The following ZBTB44 variants were observed in gnomAD, a reference collection of about 807,000 sequenced individuals.
The protein encoded by ZBTB44 is zinc finger and BTB domain-containing protein 44.
Under a neutral mutation model 54.0 loss-of-function variants are expected in ZBTB44, and 15 were observed. That is an observed-to-expected ratio of 0.28 (90% CI 0.19 to 0.43). The LOEUF is 0.43. ZBTB44 is among the 20% of genes least tolerant of loss of function. ZBTB44 has a pLI of 1.00. For synonymous variants in ZBTB44, 230 were observed against 250.1 expected, an observed-to-expected ratio of 0.92 and a Z score of 0.76; for missense variants, 487 against 707.1, an observed-to-expected ratio of 0.69 and a Z score of 3.53.
At chr11:130,274,807 T>C (rs749695980) in intron 1 of ZBTB44, among the ~76,000 whole-genome samples, 4 of 152,202 alleles carry the variant, frequency 2.6e-5, no homozygotes, top group Admixed American at 6.5e-5. Context: ...ATAAGAGATA[T>C]TGGTCTGGAG....
At chr11:130,300,756 T>C (rs530594968) in intron 1 of ZBTB44, among the ~76,000 whole-genome samples, 6 of 151,928 alleles carry the variant, frequency 3.9e-5, no homozygotes, top group Non-Finnish European at 7.4e-5. Flanking sequence ...GACCTTATAA[T>C]AGCATATAAG....
chr11:130,259,559 C>G (rs1162046002), intron 2 of ZBTB44, among the ~76,000 whole-genome samples: 2 of 152,148 alleles, frequency 1.3e-5, no homozygotes, highest in Non-Finnish European at 2.9e-5. Context: ...AACCCAAATC[C>G]CTGTCAATAA....
At chr11:130,264,971 T>C (rs1939147158) in intron 1 of ZBTB44, among the ~76,000 whole-genome samples, 1 of 152,294 alleles carries the variant, frequency 6.6e-6, no homozygotes, top group South Asian at 2.1e-4. Flanking sequence ...TTATATCTGT[T>C]ATGGTGATCT....
chr11:130,298,652 G>C (rs966723926), intron 1 of ZBTB44, among the ~76,000 whole-genome samples: 2 of 150,960 alleles, frequency 1.3e-5, no homozygotes, highest in Non-Finnish European at 2.9e-5. Flanking sequence ...TAGTAGAGAC[G>C]GAGTTTCACC....
chr11:130,280,932 A>G (rs111611984), intron 1 of ZBTB44, among the ~76,000 whole-genome samples: 3,283 of 152,296 alleles, frequency 0.022, 93 homozygotes, highest in African/African-American at 0.066. Context: ...CTTGAGGGAA[A>G]GGACAATCTC....
At position 130,289,008 on chromosome 11, in the gene ZBTB44, AAGAC is replaced by A. The variant is rs1454175227; in HGVS notation, c.-57+25363_-57+25366del. 3.9e-5 allele frequency among the ~76,000 whole-genome samples: 6 copies of A among 152,350 alleles called. No homozygotes were observed. The East Asian group carries it at 9.6e-4, about 24-fold the overall frequency. ...GACTGCTGTTTAAATAAACCACAGA[AAGAC>A]AGTTCCACATCTGCAAGATTCTACC... On this transcript the variant is annotated intron_variant, in intron 1 of 7. Transcript: ENST00000357899.
At chr11:130,289,080 A>C (rs1941147140) in intron 1 of ZBTB44, among the ~76,000 whole-genome samples, 1 of 152,184 alleles carries the variant, frequency 6.6e-6, no homozygotes, top group Non-Finnish European at 1.5e-5. Context: ...TGATGTGGGA[A>C]GTGCTCAAGA....
At chr11:130,303,790 T>G (rs1942116587) in intron 1 of ZBTB44, among the ~76,000 whole-genome samples, 1 of 152,140 alleles carries the variant, frequency 6.6e-6, no homozygotes, top group South Asian at 2.1e-4. Flanking sequence ...AGTTTTTTTT[T>G]TAAAGCTATA....
intron 2 of ZBTB44, among the ~76,000 whole-genome samples, chr11:130,255,709 A>C (rs558625449): frequency 1.3e-5 from 2 of 152,248 alleles, no homozygotes; most frequent in African/African-American, 4.8e-5. Flanking sequence ...AAAATGATAA[A>C]AGGGATGTCA....
intron 2 of ZBTB44, among the ~76,000 whole-genome samples, chr11:130,249,395 G>A (rs1937803511): frequency 6.6e-6 from 1 of 152,208 alleles, no homozygotes; most frequent in African/African-American, 2.4e-5. Flanking sequence ...TTGGATGTGT[G>A]TTCATGTAAA....
At chr11:130,232,280 T>G (rs1176718502) in intron 7 of ZBTB44, 1 of 152,246 alleles carries the variant, frequency 6.6e-6, no homozygotes, top group African/African-American at 2.4e-5. Context: ...CTGTATTTTC[T>G]GTCTATCAAA....
chr11:130,305,430 T>C (rs932004660), intron 1 of ZBTB44, among the ~76,000 whole-genome samples: 1 of 152,108 alleles, frequency 6.6e-6, no homozygotes. Flanking sequence ...TGGAACAGAA[T>C]AGAGAACCCC....
At position 130,296,057 on chromosome 11, in the gene ZBTB44, G is replaced by GT. The variant is rs1396093834; in HGVS notation, c.-57+18317dup. ...TGTCTGGTTATTGATGAAGCTGATC[G>GT]TATCTTGGATGTTGGGTATGAAGAG... On this transcript the variant is annotated intron_variant, in intron 1 of 7. Transcript: ENST00000357899. 2.4e-5 allele frequency: 38 copies of GT among 1,583,688 alleles called. No homozygotes were observed. The East Asian group carries it at 6.5e-4, about 27-fold the overall frequency.
intron 4 of ZBTB44, among the ~76,000 whole-genome samples, chr11:130,237,687 G>T (rs1195372126): frequency 6.6e-6 from 1 of 152,134 alleles, no homozygotes. Flanking sequence ...GTGTTTTGGG[G>T]AAAAAATTTT....
intron 1 of ZBTB44, among the ~76,000 whole-genome samples, chr11:130,305,954 AC>A (rs1196567151): frequency 6.6e-6 from 1 of 152,196 alleles, no homozygotes; most frequent in Non-Finnish European, 1.5e-5. Context: ...GTTAAAAAAA[AC>A]ATAGACAATT....
At chr11:130,276,431 C>CT (rs1004293725) in intron 1 of ZBTB44, among the ~76,000 whole-genome samples, 5,536 of 142,370 alleles carry the variant, frequency 0.039, 262 homozygotes, top group African/African-American at 0.11. Context: ...CTATACGTTT[C>CT]TTTTTTTTTT....
chr11:130,241,302 T>C (rs1156407735), intron 2 of ZBTB44, among the ~76,000 whole-genome samples: 1 of 152,222 alleles, frequency 6.6e-6, no homozygotes, highest in East Asian at 1.9e-4. Context: ...CTTTCCAGAG[T>C]GACTGTACTA....
rs531270005 is a variant in ZBTB44, at chr11:130,288,623, T to C, written c.-57+25752A>G. On this transcript the variant is annotated intron_variant, in intron 1 of 7. Coordinates refer to ENST00000357899, the MANE Select transcript of ZBTB44 (RefSeq NM_001301098.2). ...GTTAAAAATCAGGACACAGGCCTGG[T>C]GCGGTGGCTCATGCCTGTAATCCCA... 1.4e-3 allele frequency among the ~76,000 whole-genome samples: 211 copies of C among 151,222 alleles called. 2 individuals carry two copies. The highest frequency in any genetic ancestry group is 5.0e-3 in the African/African-American group (207 of 41,246).
chr11:130,278,775 A>G (rs796685189), intron 1 of ZBTB44, among the ~76,000 whole-genome samples: 2 of 152,080 alleles, frequency 1.3e-5, no homozygotes, highest in East Asian at 1.9e-4. Context: ...TGTTTTTTCA[A>G]TAATTTTTAT....
Sources: allele counts gnomAD v4.1 joint callset (sites outside exome capture counted in the v4.1 genomes callset), GRCh38; gene constraint gnomAD v4.1.1; transcripts MANE v1.5; gene names NCBI Gene and HGNC (gene_info 2026-07-23, HGNC 2026-07-21).